HEMK2: variants seen among roughly 807,000 people sequenced by gnomAD.
The protein encoded by HEMK2 is methyltransferase HEMK2.
chr21:28,714,697 C>A, the HEMK2 span, among the ~76,000 whole-genome samples: 2 of 152,098 alleles, frequency 1.3e-5, no homozygotes, highest in South Asian at 2.1e-4. Context: ...AGGTTTGTCA[C>A]GAGTATATTG....
chr21:28,725,601 A>G, the HEMK2 span, among the ~76,000 whole-genome samples: 2 of 152,056 alleles, frequency 1.3e-5, no homozygotes, highest in East Asian at 1.9e-4. Flanking sequence ...GGTGCTGCCA[A>G]CTCTCAGACT....
chr21:28,850,213 C>T, the HEMK2 span, among the ~76,000 whole-genome samples: 4 of 139,914 alleles, frequency 2.9e-5, no homozygotes, highest in Admixed American at 1.5e-4. Context: ...CTACATTCAG[C>T]ATTCTTTTTT....
At chr21:28,807,831 G>A in the HEMK2 span, among the ~76,000 whole-genome samples, 502 of 152,262 alleles carry the variant, frequency 3.3e-3, 2 homozygotes, top group African/African-American at 0.012. Flanking sequence ...CTAAATACCT[G>A]TGAAAATTCA....
At chr21:28,831,634 G>GAAA in the HEMK2 span, among the ~76,000 whole-genome samples, 1 of 36,466 alleles carries the variant, frequency 2.7e-5, no homozygotes, top group Non-Finnish European at 4.8e-5. Context: ...AAAGAAGGAA[G>GAAA]GAAAGAAAGA....
At chr21:28,603,328 C>T in the HEMK2 span, among the ~76,000 whole-genome samples, 2 of 152,136 alleles carry the variant, frequency 1.3e-5, no homozygotes, top group Admixed American at 6.5e-5. Flanking sequence ...CAGGCATTGC[C>T]CATAGAGCCC....
At chr21:28,795,796 G>A in the HEMK2 span, among the ~76,000 whole-genome samples, 2 of 152,148 alleles carry the variant, frequency 1.3e-5, no homozygotes, top group East Asian at 3.9e-4. Flanking sequence ...TGATCGAAAA[G>A]GAAATTTGGT....
chr21:28,858,586 G>C, the HEMK2 span, among the ~76,000 whole-genome samples: 1 of 152,014 alleles, frequency 6.6e-6, no homozygotes, highest in Non-Finnish European at 1.5e-5. Flanking sequence ...GAGGAAGGAA[G>C]GAAGGAGGGA....
At chr21:28,687,558 C>G in the HEMK2 span, among the ~76,000 whole-genome samples, 5 of 150,858 alleles carry the variant, frequency 3.3e-5, no homozygotes, top group East Asian at 9.8e-4. Context: ...CAAAATTCAA[C>G]AGAGTAGACT....
At chr21:28,754,797 G>C in the HEMK2 span, among the ~76,000 whole-genome samples, 2 of 152,236 alleles carry the variant, frequency 1.3e-5, no homozygotes, top group African/African-American at 4.8e-5. Flanking sequence ...GGACTATAAG[G>C]TCAAATAAAA....
At chr21:28,877,174 GAAA>G in the HEMK2 span, among the ~76,000 whole-genome samples, 25 of 129,318 alleles carry the variant, frequency 1.9e-4, no homozygotes, top group South Asian at 5.7e-4. Context: ...AAGAAAGAAA[GAAA>G]GAGAGGGAGG....
At chr21:28,836,683 G>A in the HEMK2 span, among the ~76,000 whole-genome samples, 1 of 152,190 alleles carries the variant, frequency 6.6e-6, no homozygotes, top group African/African-American at 2.4e-5. Context: ...GAATGTAAAT[G>A]ATGTAAATGC....
the HEMK2 span, among the ~76,000 whole-genome samples, chr21:28,578,496 T>C: frequency 2.5e-4 from 38 of 152,278 alleles, no homozygotes; most frequent in South Asian, 2.5e-3. Flanking sequence ...TGGAAACAGA[T>C]GAACCACACA....
At chr21:28,702,964 GAAT>G in the HEMK2 span, among the ~76,000 whole-genome samples, 9 of 152,210 alleles carry the variant, frequency 5.9e-5, no homozygotes, top group African/African-American at 2.2e-4. Context: ...ATACACAATG[GAAT>G]ACTACACAGC....
the HEMK2 span, among the ~76,000 whole-genome samples, chr21:28,853,714 G>A: frequency 2.0e-4 from 31 of 152,196 alleles, no homozygotes; most frequent in Admixed American, 4.6e-4. Context: ...AGACAAAGGT[G>A]GAAAGGCTGA....
the HEMK2 span, among the ~76,000 whole-genome samples, chr21:28,599,016 T>A: frequency 6.0e-4 from 92 of 152,212 alleles, no homozygotes; most frequent in African/African-American, 2.1e-3. Context: ...ACTTCAGAAA[T>A]GATGGGTAAA....
At chr21:28,725,342 T>C in the HEMK2 span, among the ~76,000 whole-genome samples, 2 of 152,164 alleles carry the variant, frequency 1.3e-5, no homozygotes, top group Non-Finnish European at 2.9e-5. Flanking sequence ...GTAGTTTATT[T>C]GGGAGATAAC....
the HEMK2 span, among the ~76,000 whole-genome samples, chr21:28,598,462 C>T: frequency 1.3e-5 from 2 of 152,182 alleles, no homozygotes; most frequent in Non-Finnish European, 1.5e-5. Flanking sequence ...GTTGGCAACA[C>T]ATCACATATG....
At chr21:28,842,210 A>G in the HEMK2 span, among the ~76,000 whole-genome samples, 1 of 152,148 alleles carries the variant, frequency 6.6e-6, no homozygotes, top group Non-Finnish European at 1.5e-5. Context: ...AAAGTGTTCC[A>G]TGGGTGTTAT....
the HEMK2 span, among the ~76,000 whole-genome samples, chr21:28,758,512 C>T: frequency 2.6e-5 from 4 of 152,052 alleles, no homozygotes; most frequent in South Asian, 2.1e-4. Flanking sequence ...AAAGGAAATC[C>T]GTGTGGCAGT....
Sources: allele counts gnomAD v4.1 joint callset (sites outside exome capture counted in the v4.1 genomes callset), GRCh38; gene constraint gnomAD v4.1.1; transcripts MANE v1.5; gene names NCBI Gene and HGNC (gene_info 2026-07-23, HGNC 2026-07-21).